The following LNX2 variants were observed in gnomAD, a reference collection of about 807,000 sequenced individuals.
The protein encoded by LNX2 is ligand of numb-protein X 2, also known as ligand of Numb protein X 2.
A neutral mutation model predicts 66.2 loss-of-function variants in LNX2; 35 were observed. The ratio of observed to expected loss-of-function variants is 0.53; its 90% CI spans 0.40 to 0.70. LNX2 has a LOEUF of 0.70. LNX2 is among the 30% of genes least tolerant of loss of function. LNX2 has a pLI of 0.00. For missense variants in LNX2, 791 were observed against 850.8 expected (o/e 0.93, Z 0.87); for synonymous variants, 337 against 315.6 (o/e 1.07, Z -0.72).
intron 1 of LNX2, among the ~76,000 whole-genome samples, chr13:27,590,531 GT>G (rs987446580): frequency 2.9e-3 from 431 of 147,018 alleles, no homozygotes; most frequent in African/African-American, 9.1e-3. Context: ...CCCCAGCCCG[GT>G]TTTTTTTTTT....
Position 27,556,423 on chromosome 13 carries a change from A to G in LNX2, c.1369-10T>C. On this transcript the variant is annotated splice_polypyrimidine_tract_variant and intron_variant, in intron 6 of 9. Transcript: ENST00000316334. ...CACACTGAGTAAGATCCTAAAACAT[A>G]CAAGAAAAAAATCATTGGATAATGA... 2 of 1,610,218 alleles carry G rather than the reference A, an allele frequency of 1.2e-6. No individual in the cohort carries two copies. The highest frequency in any genetic ancestry group is 1.7e-6 in the Non-Finnish European group (2 of 1,177,670).
At chr13:27,585,795 ATAC>A (rs1024112401) in intron 1 of LNX2, among the ~76,000 whole-genome samples, 17 of 152,094 alleles carry the variant, frequency 1.1e-4, no homozygotes, top group East Asian at 1.9e-4. Context: ...CTCAAGAAAA[ATAC>A]TACAATTCTA....
At chr13:27,596,651 T>C (rs1302656539) in intron 1 of LNX2, among the ~76,000 whole-genome samples, 1 of 152,150 alleles carries the variant, frequency 6.6e-6, no homozygotes, top group African/African-American at 2.4e-5. Context: ...TACCCACCTT[T>C]CCAAACAAAA....
rs1593240836 is a variant in LNX2 at position 27,559,941 on chromosome 13, T to G, written c.1269A>C (p.Lys423Asn). 5 of 1,610,774 alleles carry G rather than the reference T, an allele frequency of 3.1e-6. No individual in the cohort carries two copies. The highest frequency in any genetic ancestry group is 4.2e-6 in the Non-Finnish European group (5 of 1,177,806). The change falls in exon 6 of 10, where the codon AAA becomes AAC. Residue 423 changes from lysine (K) to asparagine (N), a missense_variant. Transcript: ENST00000316334. ...CTCTAATGGTGTTACCAGGCTGGGG[T>G]TTCCCTGGTCTAGCAATTGTTAAAT... ...RVNLTIARPG[K>N]PQPGNTIREA...
chr13:27,587,846 C>T (rs577395752), intron 1 of LNX2, among the ~76,000 whole-genome samples: 1 of 152,074 alleles, frequency 6.6e-6, no homozygotes, highest in Non-Finnish European at 1.5e-5. Context: ...ACAGTGAAAC[C>T]CCATCTCTAC....
intron 2 of LNX2, among the ~76,000 whole-genome samples, chr13:27,571,668 A>G (rs1309706038): frequency 6.6e-6 from 1 of 152,166 alleles, no homozygotes; most frequent in Non-Finnish European, 1.5e-5. Flanking sequence ...TGAATTTATA[A>G]AATAGGTGAA....
At chr13:27,609,161 T>G (rs1037440889) in intron 1 of LNX2, among the ~76,000 whole-genome samples, 2 of 151,016 alleles carry the variant, frequency 1.3e-5, no homozygotes, top group Non-Finnish European at 3.0e-5. Flanking sequence ...TTTTTTTTCT[T>G]TTTTTTTAAG....
At chr13:27,553,740 C>G (rs1955030315) in intron 7 of LNX2, among the ~76,000 whole-genome samples, 1 of 152,042 alleles carries the variant, frequency 6.6e-6, no homozygotes, top group Non-Finnish European at 1.5e-5. Flanking sequence ...GTGTACAGGC[C>G]CTGGGCAGGT....
intron 2 of LNX2, among the ~76,000 whole-genome samples, chr13:27,574,977 G>A (rs941247151): frequency 5.3e-5 from 8 of 152,114 alleles, no homozygotes; most frequent in Admixed American, 2.6e-4. Context: ...ATATCCAGCC[G>A]ACTTCAAAAA....
intron 1 of LNX2, among the ~76,000 whole-genome samples, chr13:27,613,891 T>G (rs1185408466): frequency 1.3e-5 from 2 of 152,264 alleles, no homozygotes; most frequent in Non-Finnish European, 2.9e-5. Context: ...GACAATCTTT[T>G]GTGTGCCACC....
chr13:27,591,140 T>C (rs1333732511), intron 1 of LNX2, among the ~76,000 whole-genome samples: 1 of 152,208 alleles, frequency 6.6e-6, no homozygotes, highest in East Asian at 1.9e-4. Context: ...GACCAGAGCC[T>C]TGTTGGCCTT....
intron 5 of LNX2, among the ~76,000 whole-genome samples, chr13:27,560,320 T>C (rs1199411263): frequency 6.6e-6 from 1 of 152,104 alleles, no homozygotes; most frequent in Non-Finnish European, 1.5e-5. Context: ...ATCTTCAAGG[T>C]TGGCCTTAAT....
At chr13:27,552,915 A>C (rs1210867571) in intron 8 of LNX2, among the ~76,000 whole-genome samples, 1 of 152,194 alleles carries the variant, frequency 6.6e-6, no homozygotes, top group Non-Finnish European at 1.5e-5. Context: ...TAGCGGAATG[A>C]GTGCTGGTAA....
chr13:27,594,804 C>G (rs1955579676), intron 1 of LNX2, among the ~76,000 whole-genome samples: 1 of 152,130 alleles, frequency 6.6e-6, no homozygotes, highest in South Asian at 2.1e-4. Flanking sequence ...GCACCAAGTT[C>G]CCCTCGATTC....
rs1955530136 is a variant in LNX2, at chr13:27,589,970, G to A, written c.-100-8167C>T. ...GTTGGGGCAATTTTTATTTTTTTGA[G>A]ACGGAGTCTCGCTCTGTCACCCAGG... is the stretch of plus-strand genomic sequence containing the variant. On this transcript the variant is annotated intron_variant, in intron 1 of 9. Coordinates refer to ENST00000316334, the MANE Select transcript of LNX2 (RefSeq NM_153371.4). Among the ~76,000 whole-genome samples the A allele has an allele frequency of 6.6e-5, 10 of 152,240 alleles. No individual in the cohort carries two copies. In the South Asian group the frequency reaches 2.1e-3, roughly 32 times the overall value.
At chr13:27,586,892 A>G (rs972579042) in intron 1 of LNX2, among the ~76,000 whole-genome samples, 2 of 152,172 alleles carry the variant, frequency 1.3e-5, no homozygotes, top group Admixed American at 1.3e-4. Flanking sequence ...GTGCAATAGG[A>G]AGGGAGTTTA....
rs1221277195 is a variant in LNX2 at position 27,547,081 on chromosome 13, C to G, written c.*1254G>C. The G allele has an allele frequency of 6.6e-6, 1 of 152,056 alleles. No homozygotes were observed. The highest frequency in any genetic ancestry group is 1.5e-5 in the Non-Finnish European group (1 of 67,988). 9.4% of individuals were successfully genotyped at this position (152,056 alleles called of 1,614,324 possible). ...TTTCTAAAATACACAAGAAATACTCCTACCTGAACAAAATAAAAAGGTCTC... is the reference window on the plus strand; with the variant it reads ...TTTCTAAAATACACAAGAAATACTCGTACCTGAACAAAATAAAAAGGTCTC... On this transcript the variant is annotated 3_prime_UTR_variant, in exon 10 of 10. Transcript: ENST00000316334.
chr13:27,600,659 G>A (rs528198590), intron 1 of LNX2, among the ~76,000 whole-genome samples: 1 of 152,304 alleles, frequency 6.6e-6, no homozygotes, highest in East Asian at 1.9e-4. Flanking sequence ...TCCCAACTCT[G>A]CTTCCTCTAG....
intron 1 of LNX2, among the ~76,000 whole-genome samples, chr13:27,614,790 T>A (rs1955809469): frequency 1.3e-5 from 2 of 152,130 alleles, no homozygotes; most frequent in African/African-American, 4.8e-5. Flanking sequence ...AACGATTAAG[T>A]CTTTAAGATT....
Sources: gnomAD v4.1 joint callset for allele counts (sites outside exome capture counted in the v4.1 genomes callset) on GRCh38, gnomAD v4.1.1 for gene constraint, MANE v1.5 for transcripts, NCBI Gene and HGNC (gene_info 2026-07-23, HGNC 2026-07-21) for gene names.